The following ANKLE2 variants were observed in gnomAD, a reference collection of about 807,000 sequenced individuals.
ANKLE2 encodes ankyrin repeat and LEM domain-containing protein 2.
Under a neutral mutation model 84.2 loss-of-function variants are expected in ANKLE2, and 55 were observed. The ratio of observed to expected loss-of-function variants is 0.65; its 90% confidence interval spans 0.53 to 0.82. The LOEUF is 0.82. Ranked by LOEUF, ANKLE2 falls within the 40% of genes least tolerant of loss-of-function variation. ANKLE2 has a pLI of 0.00. For synonymous variants in ANKLE2, 551 were observed against 486.1 expected (o/e 1.13, Z -1.76); for missense variants, 1,238 against 1,201.9 (o/e 1.03, Z -0.44).
chr12:132,761,686 C>G lies in ANKLE2; in HGVS notation c.113G>C (p.Arg38Pro), dbSNP rs1299825703. The G allele has an allele frequency of 3.0e-6, 4 of 1,344,346 alleles. No individual in the cohort carries two copies. The highest frequency in any genetic ancestry group is 2.8e-4 in the Middle Eastern group (1 of 3,614). 83.3% of individuals were successfully genotyped at this position (1,344,346 alleles called of 1,614,324 possible). A position where few individuals can be genotyped will look rare whatever the true frequency, so the allele number is the denominator to read the frequency against. ...CCCGCTGCGGCCCAGACCTCCCGGC[C>G]GCGGGCCCAGCCGCCGCACCAGCCA... ...VRWLVRRLGP[R>P]PGGLGRSGTP... is the part of the protein sequence containing the mutation. The change falls in exon 1 of 13, where the codon CGG (arginine) becomes CCG (proline). Residue 38 changes from arginine to proline, a missense_variant. Transcript: ENST00000357997.
intron 2 of ANKLE2, among the ~76,000 whole-genome samples, chr12:132,753,743 A>AAAAAC (rs916940122): frequency 4.6e-5 from 7 of 151,992 alleles, no homozygotes; most frequent in East Asian, 1.9e-4. Context: ...TCTGTCTCAA[A>AAAAAC]AAAACAAAAC....
intron 1 of ANKLE2, chr12:132,755,762 T>C (rs1333965748): frequency 5.9e-5 from 9 of 151,770 alleles, no homozygotes; most frequent in Admixed American, 2.0e-4. Flanking sequence ...GGTTTCACCA[T>C]GTTGGCCAGG....
chr12:132,758,031 G>C (rs951057468), intron 1 of ANKLE2: 1 of 151,992 alleles, frequency 6.6e-6, no homozygotes, highest in Non-Finnish European at 1.5e-5. Flanking sequence ...TAAACAAAAG[G>C]GTATGGTTGT....
rs1393630920 is a variant in ANKLE2 at position 132,730,228 on chromosome 12, T to G, written c.1934A>C (p.Asp645Ala). The G allele has an allele frequency of 6.3e-7, 1 of 1,583,462 alleles. No homozygotes were observed. Among genetic ancestry groups the G allele is most frequent in the South Asian group, 1.1e-5 (1 of 88,718 alleles). ...ATTTTTTATTTCTTCCAAGCTCATG[T>G]CATCTTCATCTAGAAACGCCCTCAC... ...ISVRAFLDED[D>A]MSLEEIKNRQ... is the part of the protein sequence containing the mutation. The change falls in exon 11 of 13, where the codon GAC (aspartate) becomes GCC (alanine). Residue 645 changes from aspartate (D) to alanine (A), a missense_variant. Asp to Ala is a moderately radical substitution (Grantham distance 126). Around this residue, in one of 3 missense-constraint regions of ANKLE2, gnomAD observed 802 missense variants for 774.5 expected, o/e 1.04. Coordinates refer to ENST00000357997, the MANE Select transcript of ANKLE2 (RefSeq NM_015114.3).
rs185977448 is a variant in ANKLE2, at chr12:132,754,785, G to A, written c.530C>T (p.Ser177Leu). ...GGTGTCGGTGTCACTAGGGGGCACC[G>A]AGCAGGTCTTGGATGTCACAGCTTC... ...EEEAVTSKTC[S>L]VPPSDTDTYR... Residue 177 changes from serine to leucine, a missense_variant, in exon 2 of 13, where the codon TCG (serine) becomes TTG (leucine). Ser to Leu is a moderately radical substitution (Grantham distance 145). This residue lies in a region of ANKLE2 where 422 missense variants were observed against 394.5 expected (regional missense o/e 1.07). Transcript: ENST00000357997. The A allele has an allele frequency of 7.6e-4, 1,225 of 1,614,076 alleles. 3 individuals carry two copies. Among genetic ancestry groups the A allele is most frequent in the Admixed American group, 2.5e-3 (149 of 60,004 alleles).
At chr12:132,727,983 G>C (rs2043744239) in intron 12 of ANKLE2, 49 bp downstream of exon 12, 1 of 1,566,784 alleles carries the variant, frequency 6.4e-7, no homozygotes, top group African/African-American at 1.4e-5. Context: ...CCCTGCAGAA[G>C]TTTCCAAAAG....
At chr12:132,739,351 T>G (rs368862379) in intron 7 of ANKLE2, among the ~76,000 whole-genome samples, 1 of 152,158 alleles carries the variant, frequency 6.6e-6, no homozygotes, top group Admixed American at 6.5e-5. Context: ...TACTGAAAAT[T>G]AGGGCAATTC....
intron 5 of ANKLE2, among the ~76,000 whole-genome samples, chr12:132,744,241 C>A (rs760673460): frequency 4.6e-5 from 7 of 152,198 alleles, no homozygotes; most frequent in Admixed American, 2.6e-4. Flanking sequence ...GGGCCAACTC[C>A]CTCCCAGTCA....
rs889582581 is a variant in ANKLE2, at chr12:132,747,873, G to A, written c.1189C>T (p.Arg397Cys). 8 of 1,611,260 alleles carry A rather than the reference G, an allele frequency of 5.0e-6. No individual in the cohort carries two copies. The highest frequency in any genetic ancestry group is 3.3e-4 in the Middle Eastern group (2 of 6,066). The change falls in exon 5 of 13, where the codon CGT (arginine) becomes TGT (cysteine). Residue 397 changes from arginine to cysteine, a missense_variant. Physicochemically the swap from Arg to Cys is radical, Grantham distance 180. Around this residue, in one of 3 missense-constraint regions of ANKLE2, gnomAD observed 802 missense variants for 774.5 expected, o/e 1.04. Coordinates refer to ENST00000357997, the MANE Select transcript of ANKLE2 (RefSeq NM_015114.3). ...DDEAMLQKRI[R>C]YVVDLYLNTP... ...TTGAGGTACAGGTCCACCACGTAAC[G>A]GATACGCTTCTGCAGCATGGCCTCG...
Position 132,747,972 on chromosome 12 carries a change from C to G in ANKLE2, c.1090G>C (p.Ala364Pro). The change falls in exon 5 of 13, where the codon GCT becomes CCT. Residue 364 changes from alanine to proline, a missense_variant. Coordinates refer to ENST00000357997, the MANE Select transcript of ANKLE2 (RefSeq NM_015114.3). ...TCCAGAGTCAGCTGGCAGATGGAAGCCTGGTTCTCTTTGGCAGCAACATGC... is the reference window on the plus strand; with the variant it reads ...TCCAGAGTCAGCTGGCAGATGGAAGGCTGGTTCTCTTTGGCAGCAACATGC... ...VMHVAAKENQ[A>P]SICQLTLDVL... The G allele has an allele frequency of 6.3e-7, 1 of 1,598,610 alleles. No individual in the cohort carries two copies. Among genetic ancestry groups the G allele is most frequent in the East Asian group, 2.2e-5 (1 of 44,820 alleles).
Position 132,748,316 on chromosome 12 carries a change from G to A in ANKLE2, c.863C>T (p.Ser288Leu), listed in dbSNP as rs185584106. ...CTCTTTGTTGACTGTTTCTGATTCCGACAAGCACAAACCATCTGTCAGTAA... is the reference window on the plus strand; with the variant it reads ...CTCTTTGTTGACTGTTTCTGATTCCAACAAGCACAAACCATCTGTCAGTAA... Reference protein sequence around the residue: ...NDRLKDGLCLSESETVNKERA... With the variant: ...NDRLKDGLCLLESETVNKERA... The change falls in exon 4 of 13, where the codon TCG becomes TTG. Residue 288 changes from serine to leucine, a missense_variant. Physicochemically the swap from Ser to Leu is moderately radical, Grantham distance 145 (BLOSUM62 -2). This residue lies in a region of ANKLE2 where 422 missense variants were observed against 394.5 expected (regional missense o/e 1.07). Transcript: ENST00000357997. The A allele has an allele frequency of 2.8e-4, 450 of 1,613,906 alleles. 2 individuals are homozygous for A. In the African/African-American group the frequency reaches 4.9e-3, roughly 18 times the overall value.
chr12:132,743,387 G>T lies in ANKLE2; in HGVS notation c.1231-111C>A. On this transcript the variant is annotated intron_variant, in intron 5 of 12. Coordinates refer to ENST00000357997, the MANE Select transcript of ANKLE2 (RefSeq NM_015114.3). This position sits in a 1 kb window ranked among gnomAD's most constrained non-coding sequence, Gnocchi z 4.1. ...TTCATTCATTTATTTATTTTGAGAC[G>T]GAGTCTCACTGGCGTGATCTTGGCT... 1.4e-5 allele frequency: 18 copies of T among 1,324,642 alleles called. No individual in the cohort carries two copies. Among genetic ancestry groups the T allele is most frequent in the Non-Finnish European group, 1.7e-5 (17 of 995,058 alleles). 82.1% of individuals were successfully genotyped at this position (1,324,642 alleles called of 1,614,324 possible). A position where few individuals can be genotyped will look rare whatever the true frequency, so the allele number is the denominator to read the frequency against.
intron 2 of ANKLE2, 46 bp downstream of exon 2, chr12:132,754,629 C>T (rs995502927): frequency 7.2e-6 from 11 of 1,528,634 alleles, no homozygotes; most frequent in South Asian, 5.0e-5. Flanking sequence ...CGCCCCTCCG[C>T]GTATGTGCTA....
At chr12:132,747,695 G>A (rs1272488493) in intron 5 of ANKLE2, 137 bp downstream of exon 5, 3 of 1,104,660 alleles carry the variant, frequency 2.7e-6, no homozygotes, top group South Asian at 1.8e-5. Context: ...TAAGAAGGCA[G>A]GTTGCAGGGG....
At chr12:132,748,973 G>A (rs75299679) in intron 3 of ANKLE2, 2,724 of 151,694 alleles carry the variant, frequency 0.018, 104 homozygotes, top group African/African-American at 0.063. Context: ...GCCCCCAAAA[G>A]TGTTGTAATT....
In ANKLE2 at chr12:132,729,659, A is replaced by C; in HGVS notation, c.2483+20T>G. ...GAAGGTGGGGAAGGAAAGTGAGTGC[A>C]GAGGGCAACACACTCCTACCCAAAA... On this transcript the variant is annotated intron_variant, in intron 11 of 12. Transcript: ENST00000357997. 1 of 1,497,678 alleles carries C rather than the reference A, an allele frequency of 6.7e-7. No individual in the cohort carries two copies. Among genetic ancestry groups the C allele is most frequent in the East Asian group, 2.3e-5 (1 of 43,260 alleles). 92.8% of individuals were successfully genotyped at this position (1,497,678 alleles called of 1,614,324 possible).
intron 5 of ANKLE2, among the ~76,000 whole-genome samples, chr12:132,747,092 A>C (rs1336918287): frequency 6.6e-6 from 1 of 152,178 alleles, no homozygotes; most frequent in Non-Finnish European, 1.5e-5. Context: ...TGCACTTCAG[A>C]TGAAATGACC....
chr12:132,735,968 T>C (rs1352160621), intron 8 of ANKLE2, among the ~76,000 whole-genome samples: 2 of 152,370 alleles, frequency 1.3e-5, no homozygotes, highest in East Asian at 1.9e-4. Flanking sequence ...TTTTTTGTTT[T>C]GGAGACGGAG....
rs371242395 is a variant in ANKLE2 at position 132,730,202 on chromosome 12, G to T, written c.1960C>A (p.Arg654=). ...CTGTTATTTCGAGCTGCATTTTGCC[G>T]ATTTTTTATTTCTTCCAAGCTCATG... ...DDMSLEEIKN[R]QNAARNNSPP... Residue 654 remains arginine (R), a synonymous_variant, in exon 11 of 13, where the codon CGG becomes AGG. Coordinates refer to ENST00000357997, the MANE Select transcript of ANKLE2 (RefSeq NM_015114.3). 2 of 1,598,140 alleles carry T rather than the reference G, an allele frequency of 1.3e-6. No homozygotes were observed. The highest frequency in any genetic ancestry group is 2.2e-5 in the South Asian group (2 of 90,354).
Sources: allele counts gnomAD v4.1 joint callset (sites outside exome capture counted in the v4.1 genomes callset), GRCh38; gene constraint gnomAD v4.1.1; regional missense constraint gnomAD v4.1.1; non-coding constraint Gnocchi (gnomAD v3.1); transcripts MANE v1.5; gene names NCBI Gene and HGNC (gene_info 2026-07-23, HGNC 2026-07-21).